The following TMEM52B variants were observed in gnomAD, a reference collection of about 807,000 sequenced individuals.
TMEM52B encodes transmembrane protein 52B, also known as chromosome 12 open reading frame 59.
TMEM52B carries 11 observed loss-of-function variants against 16.1 expected under a neutral mutation model. The ratio of observed to expected loss-of-function variants is 0.68; its 90% CI spans 0.43 to 1.13. The LOEUF is 1.13. TMEM52B is among the 50% of genes most tolerant of loss of function. The pLI is 0.00. For missense variants in TMEM52B, 243 were observed against 230.4 expected (o/e 1.05, Z -0.35); for synonymous variants, 101 against 93.8 (o/e 1.08, Z -0.45).
chr12:10,190,478 GTCTC>G lies in TMEM52B; in HGVS notation c.*344_*347del, dbSNP rs1591994772. ...GTACCCACATGATACTGCAAGTTGT[GTCTC>G]TCTCTGTCAGCGAATCCACTGCGGT... On this transcript the variant is annotated 3_prime_UTR_variant, in exon 5 of 5. Coordinates refer to ENST00000543484, the MANE Select transcript of TMEM52B (RefSeq NM_001384896.1). 2 of 252,566 alleles carry G rather than the reference GTCTC, an allele frequency of 7.9e-6. No homozygotes were observed. The highest frequency in any genetic ancestry group is 1.8e-4 in the East Asian group (2 of 11,406). The allele number at this position is 252,566 out of a possible 1,614,324, so 15.6% of individuals were successfully genotyped here. A position where few individuals can be genotyped will look rare whatever the true frequency, so the allele number is the denominator to read the frequency against.
intron 3 of TMEM52B, among the ~76,000 whole-genome samples, chr12:10,185,962 A>T (rs1373052741): frequency 6.6e-6 from 1 of 152,102 alleles, no homozygotes; most frequent in African/African-American, 2.4e-5. Context: ...AATCGATTGA[A>T]CCCAGGAGGC....
rs771878280 is a variant in TMEM52B at position 10,190,163 on chromosome 12, A to T, written c.*23A>T. ...TGATGAGAGCTGTCATTTTATAAAT[A>T]GGAGTGGAGTGATGTCCAGAGTCTG... On this transcript the variant is annotated 3_prime_UTR_variant, in exon 5 of 5. Transcript: ENST00000543484. 3.1e-6 allele frequency: 5 copies of T among 1,613,668 alleles called. No individual in the cohort carries two copies. The highest frequency in any genetic ancestry group is 4.2e-6 in the Non-Finnish European group (5 of 1,179,690).
At chr12:10,175,028 A>G (rs1948755752), upstream of TMEM52B, among the ~76,000 whole-genome samples, 1 of 152,202 alleles carries the variant, frequency 6.6e-6, no homozygotes, top group South Asian at 2.1e-4. Flanking sequence ...TCAGTGGGAT[A>G]GTTTCTACAG....
chr12:10,175,772 G>T (rs1281783350), upstream of TMEM52B, among the ~76,000 whole-genome samples: 2 of 152,174 alleles, frequency 1.3e-5, no homozygotes, highest in Non-Finnish European at 2.9e-5. Flanking sequence ...CAGGGCTGTG[G>T]CCCTACCCAC....
At chr12:10,172,337 A>G (rs1948730299) in intron 1 of TMEM52B, 1 of 357,892 alleles carries the variant, frequency 2.8e-6, no homozygotes, top group Non-Finnish European at 5.2e-6. Context: ...AATTTATGAA[A>G]GGGAAAACTA....
chr12:10,178,663 A>AAAG (rs1397136252), upstream of TMEM52B, among the ~76,000 whole-genome samples: 1 of 127,180 alleles, frequency 7.9e-6, no homozygotes, highest in East Asian at 2.0e-4. Flanking sequence ...GAGAGAGAGA[A>AAAG]AGAGAGAGAA....
intron 2 of TMEM52B, among the ~76,000 whole-genome samples, chr12:10,183,595 A>G (rs1455669071): frequency 6.6e-6 from 1 of 152,216 alleles, no homozygotes; most frequent in African/African-American, 2.4e-5. Flanking sequence ...AAGATACACA[A>G]ATATTTTGCC....
intron 4 of TMEM52B, among the ~76,000 whole-genome samples, chr12:10,188,746 C>T (rs1287782067): frequency 4.6e-5 from 7 of 151,308 alleles, no homozygotes; most frequent in Non-Finnish European, 7.4e-5. Context: ...TGGCCAGGCA[C>T]GGTGGCTCAC....
At chr12:10,182,698 AT>A in intron 2 of TMEM52B, 105 bp downstream of exon 2, 1 of 1,171,196 alleles carries the variant, frequency 8.5e-7, no homozygotes, top group Non-Finnish European at 1.1e-6. Flanking sequence ...CTTTTTATTT[AT>A]TTTTACTTAA....
chr12:10,181,466 A>C (rs1273473790), intron 1 of TMEM52B, among the ~76,000 whole-genome samples: 2 of 151,540 alleles, frequency 1.3e-5, no homozygotes, highest in Non-Finnish European at 2.9e-5. Context: ...AGTAGCTGGG[A>C]TTACAGGCGC....
At chr12:10,181,125 G>A (rs1207757488) in intron 1 of TMEM52B, among the ~76,000 whole-genome samples, 2 of 152,014 alleles carry the variant, frequency 1.3e-5, no homozygotes, top group Non-Finnish European at 2.9e-5. Flanking sequence ...GTTTTTGAAA[G>A]AGGAAGTCAA....
intron 1 of TMEM52B, among the ~76,000 whole-genome samples, chr12:10,171,587 T>C (rs1948718135): frequency 6.6e-6 from 1 of 152,182 alleles, no homozygotes; most frequent in South Asian, 2.1e-4. Flanking sequence ...AGCCCTCCGA[T>C]GTATAGAATT....
chr12:10,172,204 G>A (rs1263561214), intron 1 of TMEM52B: 4 of 656,456 alleles, frequency 6.1e-6, no homozygotes, highest in Non-Finnish European at 1.1e-5. Context: ...CTCAATCATT[G>A]GTAGGAGGAA....
rs1014029952 is a variant in TMEM52B, at chr12:10,190,546, C to T, written c.*406C>T. Reference sequence around the variant, plus strand: ...AAGACAACAGTGTCAGCACAGCCATCGACATTAATGCACTGAATGCATGCA... The same window carrying T: ...AAGACAACAGTGTCAGCACAGCCATTGACATTAATGCACTGAATGCATGCA... On this transcript the variant is annotated 3_prime_UTR_variant, in exon 5 of 5. Coordinates refer to ENST00000543484, the MANE Select transcript of TMEM52B (RefSeq NM_001384896.1). The T allele has an allele frequency of 6.4e-5, 14 of 220,228 alleles. No individual in the cohort carries two copies. Among genetic ancestry groups the T allele is most frequent in the African/African-American group, 2.5e-4 (11 of 44,414 alleles). 13.6% of individuals were successfully genotyped at this position (220,228 alleles called of 1,614,324 possible).
At chr12:10,187,794 A>G (rs533391894) in intron 4 of TMEM52B, among the ~76,000 whole-genome samples, 99 of 152,202 alleles carry the variant, frequency 6.5e-4, no homozygotes, top group African/African-American at 2.3e-3. Flanking sequence ...AAATGTGGAT[A>G]TTTATTTTGA....
intron 1 of TMEM52B, chr12:10,171,929 T>C: frequency 8.8e-7 from 1 of 1,130,042 alleles, no homozygotes; most frequent in Non-Finnish European, 1.3e-6. Context: ...TCTAATCCCA[T>C]TCTTCGGTGA....
At chr12:10,176,604 A>G (rs12815848), upstream of TMEM52B, among the ~76,000 whole-genome samples, 3 of 152,320 alleles carry the variant, frequency 2.0e-5, no homozygotes, top group South Asian at 2.1e-4. Flanking sequence ...ATAAAAATAT[A>G]CAAGAGAAGC....
chr12:10,184,563 T>C (rs759878103), intron 2 of TMEM52B, among the ~76,000 whole-genome samples: 1 of 152,144 alleles, frequency 6.6e-6, no homozygotes, highest in African/African-American at 2.4e-5. Flanking sequence ...TTGCCTGGTG[T>C]GTGCGGAAAT....
chr12:10,189,491 G>T (rs571901556), intron 4 of TMEM52B, among the ~76,000 whole-genome samples: 1 of 152,048 alleles, frequency 6.6e-6, no homozygotes, highest in East Asian at 1.9e-4. Context: ...GGGCATGGTG[G>T]CGGGCGCCTG....
Sources: allele counts gnomAD v4.1 joint callset (sites outside exome capture counted in the v4.1 genomes callset), GRCh38; gene constraint gnomAD v4.1.1; transcripts MANE v1.5; gene names NCBI Gene and HGNC (gene_info 2026-07-23, HGNC 2026-07-21).